The following F7 variants were observed in gnomAD, a reference collection of about 807,000 sequenced individuals.
F7 encodes FVII coagulation protein.
Under a neutral mutation model 47.5 loss-of-function variants are expected in F7, and 38 were observed. The ratio of observed to expected loss-of-function variants is 0.80; its 90% CI spans 0.62 to 1.05. The LOEUF is 1.05. Ranked by LOEUF, F7 falls within the 50% of genes least tolerant of loss-of-function variation. The pLI is 0.00. For synonymous variants in F7, 244 were observed against 258.5 expected, an observed-to-expected ratio of 0.94 and a Z score of 0.54; for missense variants, 575 against 605.4, an observed-to-expected ratio of 0.95 and a Z score of 0.53.
chr13:113,106,831 C>T (rs2035969664), intron 1 of F7: 2 of 1,589,822 alleles, frequency 1.3e-6, no homozygotes, highest in African/African-American at 1.3e-5. Flanking sequence ...ACCCCGGCCA[C>T]CTTCCTGCCC....
At chr13:113,108,377 G>A (rs371832005) in intron 1 of F7, among the ~76,000 whole-genome samples, 4 of 83,512 alleles carry the variant, frequency 4.8e-5, no homozygotes, top group African/African-American at 1.7e-4. Flanking sequence ...TGGGTGTCCC[G>A]GGGGTGTGGG....
intron 1 of F7, among the ~76,000 whole-genome samples, chr13:113,109,099 A>AGGGTGTCCCGGGAGTGT (rs2036036093): frequency 1.6e-5 from 1 of 62,912 alleles, no homozygotes; most frequent in Non-Finnish European, 3.0e-5. Flanking sequence ...TCCGGAGGCG[A>AGGGTGTCCCGGGAGTGT]GGGTGTCCCG....
At chr13:113,106,903 T>C (rs977782454) in intron 1 of F7, 3 of 1,604,440 alleles carry the variant, frequency 1.9e-6, no homozygotes, top group Admixed American at 1.7e-5. Flanking sequence ...AGCCGGGGCC[T>C]CACAGAGGTG....
At chr13:113,117,093 C>T (rs1352807696) in intron 6 of F7, 6 of 657,704 alleles carry the variant, frequency 9.1e-6, no homozygotes, top group Non-Finnish European at 1.6e-5. Flanking sequence ...CTACCCTGTG[C>T]AGAGAACCCT....
chr13:113,110,841 G>T lies in F7; in HGVS notation c.216G>T (p.Ala72=), dbSNP rs773226522. ...AGGCCCGGGAGATCTTCAAGGACGC[G>T]GAGAGGACGGTGAGCCCAGCCTCGG... ...FEEAREIFKD[A]ERTKLFWISY... is the part of the protein sequence containing the mutation. The change falls in exon 2 of 8, where the codon GCG becomes GCT. Residue 72 remains alanine, a synonymous_variant. Transcript: ENST00000346342. The T allele has an allele frequency of 5.1e-6, 8 of 1,560,230 alleles. No individual in the cohort carries two copies. In the South Asian group the frequency reaches 9.4e-5, roughly 18 times the overall value.
chr13:113,108,411 G>A (rs1480498411), intron 1 of F7, among the ~76,000 whole-genome samples: 11 of 43,692 alleles, frequency 2.5e-4, no homozygotes, highest in Admixed American at 7.4e-4. Flanking sequence ...TGGGTGTCCC[G>A]GGAGTGTGGG....
chr13:113,110,605 GC>G (rs1488663043), intron 1 of F7, 84 bp from the exon 2 acceptor site: 7 of 1,528,690 alleles, frequency 4.6e-6, no homozygotes, highest in African/African-American at 2.8e-5. Context: ...AACCTGCGAT[GC>G]CCCCGCCGCG....
At position 113,119,355 on chromosome 13, in the gene F7, C is replaced by T; in HGVS notation, c.*347C>T. ...GGAGGCAGACAGCCCAGCTGAGCCT[C>T]CTTACCTCCCTTCAGCCAAGCCCAC... On this transcript the variant is annotated 3_prime_UTR_variant, in exon 8 of 8. Coordinates refer to ENST00000346342, the MANE Select transcript of F7 (RefSeq NM_019616.4). The T allele has an allele frequency of 3.0e-6, 1 of 337,344 alleles. No homozygotes were observed. The highest frequency in any genetic ancestry group is 6.1e-5 in the East Asian group (1 of 16,362). 20.9% of individuals were successfully genotyped at this position (337,344 alleles called of 1,614,324 possible). A position where few individuals can be genotyped will look rare whatever the true frequency, so the allele number is the denominator to read the frequency against.
intron 1 of F7, among the ~76,000 whole-genome samples, chr13:113,106,588 ATGGAAAGGGC>A (rs2035962788): frequency 0.029 from 1 of 34 alleles, no homozygotes; most frequent in Non-Finnish European, 0.071. Context: ...GGGATGGGGC[ATGGAAAGGGC>A]GTGTGGGGTG....
chr13:113,114,835 T>C (rs2036165953), intron 4 of F7: 1 of 152,958 alleles, frequency 6.5e-6, no homozygotes, highest in East Asian at 1.9e-4. Flanking sequence ...TTAGCGGTCA[T>C]TTCCCAGGAG....
At chr13:113,109,233 T>TGTGGGTGTCCCGGGGGTC (rs1429581181) in intron 1 of F7, among the ~76,000 whole-genome samples, 1 of 105,898 alleles carries the variant, frequency 9.4e-6, no homozygotes, top group Non-Finnish European at 2.0e-5. Flanking sequence ...GTCCCGGGGG[T>TGTGGGTGTCCCGGGGGTC]GTGGGTGTCC....
chr13:113,116,725 C>T (rs368145263), intron 5 of F7, 41 bp from the exon 6 acceptor site: 28 of 1,456,208 alleles, frequency 1.9e-5, no homozygotes, highest in Non-Finnish European at 2.5e-5. Context: ...ACGTTCATCC[C>T]TCACAAATCT....
intron 2 of F7, among the ~76,000 whole-genome samples, 188 bp downstream of exon 2, chr13:113,111,038 CA>C (rs1220571267): frequency 6.6e-6 from 1 of 152,192 alleles, no homozygotes; most frequent in Non-Finnish European, 1.5e-5. Flanking sequence ...CGATGCCCCC[CA>C]CCCCCAGGCA....
chr13:113,110,894 C>T, intron 2 of F7, 44 bp downstream of exon 2: 1 of 1,542,460 alleles, frequency 6.5e-7, no homozygotes, highest in East Asian at 2.5e-5. Context: ...ACACTGCAGG[C>T]GGCGGTGAAC....
Position 113,107,344 on chromosome 13 carries a change from C to A in F7, c.64+1439C>A, listed in dbSNP as rs71446936. Among the ~76,000 whole-genome samples the A allele has an allele frequency of 6.1e-3, 102 of 16,842 alleles. 2 individuals carry two copies. The highest frequency in any genetic ancestry group is 0.016 in the African/African-American group (68 of 4,328). The allele number at this position is 16,842 out of a possible 152,430, so 11.0% of individuals were successfully genotyped here. Reference sequence around the variant, plus strand: ...CCCGGGAGTGTGGGTGTCCCGGGGGCGTGGGTGTCCCGGGAGTGTGGGTGT... The same window carrying A: ...CCCGGGAGTGTGGGTGTCCCGGGGGAGTGGGTGTCCCGGGAGTGTGGGTGT... On this transcript the variant is annotated intron_variant, in intron 1 of 7. Coordinates refer to ENST00000346342, the MANE Select transcript of F7 (RefSeq NM_019616.4).
At chr13:113,106,016 C>A in intron 1 of F7, 111 bp downstream of exon 1, 1 of 929,842 alleles carries the variant, frequency 1.1e-6, no homozygotes, top group South Asian at 1.8e-5. Context: ...CCCCATCCAC[C>A]AGGAGGGTTT....
chr13:113,106,883 A>G, intron 1 of F7: 1 of 1,607,074 alleles, frequency 6.2e-7, no homozygotes, highest in Non-Finnish European at 8.5e-7. Flanking sequence ...AACACGGGAC[A>G]TGCCGTGGAA....
At chr13:113,115,181 C>T (rs555204324) in intron 4 of F7, among the ~76,000 whole-genome samples, 1 of 152,190 alleles carries the variant, frequency 6.6e-6, no homozygotes, top group African/African-American at 2.4e-5. Context: ...TCTGTCTGAG[C>T]CCATGACCAG....
At chr13:113,110,663 G>C in intron 1 of F7, 27 bp from the exon 2 acceptor site, 2 of 1,547,620 alleles carry the variant, frequency 1.3e-6, no homozygotes, top group Non-Finnish European at 1.7e-6. Context: ...CACGCGGTGG[G>C]CGCTTCACGG....
Sources: allele counts gnomAD v4.1 joint callset (sites outside exome capture counted in the v4.1 genomes callset), GRCh38; gene constraint gnomAD v4.1.1; transcripts MANE v1.5; gene names NCBI Gene and HGNC (gene_info 2026-07-23, HGNC 2026-07-21).